The following PRH1 variants were observed in gnomAD, a reference collection of about 807,000 sequenced individuals.
PRH1 encodes proline rich protein HaeIII subfamily 1, also known as salivary acidic proline-rich phosphoprotein 1/2.
A neutral mutation model predicts 7.9 loss-of-function variants in PRH1; 7 were observed. The observed-to-expected ratio is 0.89, with a 90% CI of 0.50 to 1.67. PRH1 has a LOEUF of 1.67. PRH1 is among the 40% of genes most tolerant of loss of function. PRH1 has a pLI of 0.00. For synonymous variants in PRH1, 45 were observed against 80.8 expected, an observed-to-expected ratio of 0.56 and a Z score of 2.38; for missense variants, 109 against 223.6, an observed-to-expected ratio of 0.49 and a Z score of 3.27.
intron 1 of PRH1, among the ~76,000 whole-genome samples, chr12:11,087,556 G>C (rs1944748640): frequency 8.6e-6 from 1 of 116,730 alleles, no homozygotes; most frequent in Admixed American, 8.5e-5. Flanking sequence ...GTGAACTGTG[G>C]AGTAAGGGAC....
chr12:11,099,184 T>G (rs1945154401), intron 1 of PRH1, among the ~76,000 whole-genome samples: 2 of 152,182 alleles, frequency 1.3e-5, no homozygotes. Flanking sequence ...TAACTTACTT[T>G]GATAAACAGA....
chr12:11,061,506 G>C, intron 1 of PRH1: 1 of 1,614,102 alleles, frequency 6.2e-7, no homozygotes, highest in Non-Finnish European at 8.5e-7. Context: ...TAGCTTCGCA[G>C]AACATGAAGA....
chr12:10,972,600 T>C (rs559810738), intron 2 of PRH1, among the ~76,000 whole-genome samples: 9 of 152,318 alleles, frequency 5.9e-5, no homozygotes, highest in African/African-American at 1.9e-4. Flanking sequence ...CTTTCATTGT[T>C]TTGCAATTTT....
chr12:11,069,181 G>A (rs76001853), intron 1 of PRH1, among the ~76,000 whole-genome samples: 2 of 130,746 alleles, frequency 1.5e-5, no homozygotes, highest in African/African-American at 5.2e-5. Flanking sequence ...ACCTCCCAAG[G>A]TGCTCAATTA....
intron 2 of PRH1, among the ~76,000 whole-genome samples, chr12:10,972,257 C>A (rs2135953312): frequency 6.6e-6 from 1 of 152,166 alleles, no homozygotes; most frequent in African/African-American, 2.4e-5. Context: ...TAAAAAAAGG[C>A]AAGTCTAATA....
chr12:10,916,896 A>C (rs1379740908), intron 2 of PRH1, among the ~76,000 whole-genome samples: 1 of 146,970 alleles, frequency 6.8e-6, no homozygotes, highest in African/African-American at 2.5e-5. Flanking sequence ...AAATAAGATA[A>C]AATAAAATAA....
At chr12:11,121,697 T>C (rs1267804377) in intron 1 of PRH1, among the ~76,000 whole-genome samples, 1 of 152,130 alleles carries the variant, frequency 6.6e-6, no homozygotes. Context: ...GGTATACATA[T>C]ACAAAATTTA....
intron 1 of PRH1, among the ~76,000 whole-genome samples, chr12:11,130,201 C>T (rs1289769848): frequency 6.6e-6 from 1 of 152,138 alleles, no homozygotes; most frequent in Non-Finnish European, 1.5e-5. Context: ...CAGGAAATGG[C>T]AAGTTTCTTC....
chr12:10,946,803 CTTAG>C lies in PRH1; in HGVS notation c.-59+26848_-59+26851del, dbSNP rs368015227. On this transcript the variant is annotated intron_variant, in intron 2 of 3. Coordinates refer to the PRH1 transcript ENST00000539853. ...CTATGAATTTCCCTCTTACTACTGC[CTTAG>C]TTGTGTCTCAGAGATTCTGGTTTGT... Among the ~76,000 whole-genome samples the C allele has an allele frequency of 4.6e-3, 700 of 152,178 alleles. 6 individuals are homozygous for C. The highest frequency in any genetic ancestry group is 0.016 in the African/African-American group (674 of 41,516).
intron 2 of PRH1, chr12:10,891,609 T>C (rs1210192359): frequency 6.6e-6 from 1 of 152,134 alleles, no homozygotes; most frequent in East Asian, 1.9e-4. Context: ...CTGTGTTCCA[T>C]CCTCGTTGCC....
At chr12:11,161,667 G>A (rs2136455593) in intron 1 of PRH1, among the ~76,000 whole-genome samples, 1 of 152,254 alleles carries the variant, frequency 6.6e-6, no homozygotes, top group Middle Eastern at 3.4e-3. Context: ...TAAGGTTTCA[G>A]AGGGGTATAA....
At chr12:10,916,047 C>T (rs1224515847) in intron 2 of PRH1, among the ~76,000 whole-genome samples, 7 of 152,120 alleles carry the variant, frequency 4.6e-5, no homozygotes, top group African/African-American at 1.7e-4. Context: ...GTTTAATGAA[C>T]TCACAGTTCT....
intron 1 of PRH1, among the ~76,000 whole-genome samples, chr12:11,108,738 C>T (rs1945502897): frequency 2.6e-5 from 4 of 152,220 alleles, no homozygotes; most frequent in African/African-American, 7.2e-5. Context: ...TAAAACTGAG[C>T]GATCATTTGG....
chr12:11,050,441 G>A (rs893488788), upstream of PRH1, among the ~76,000 whole-genome samples: 2 of 152,154 alleles, frequency 1.3e-5, no homozygotes, highest in Non-Finnish European at 2.9e-5. Flanking sequence ...TGGGCCAGGT[G>A]TTCCTTGCTC....
intron 1 of PRH1, chr12:11,031,374 T>C: frequency 1.3e-6 from 2 of 1,598,564 alleles, no homozygotes; most frequent in Middle Eastern, 1.7e-4. Context: ...AATGCTGGTG[T>C]TGTGTCCGGA....
At chr12:10,957,272 C>A (rs1938014726) in intron 2 of PRH1, among the ~76,000 whole-genome samples, 1 of 152,008 alleles carries the variant, frequency 6.6e-6, no homozygotes, top group Non-Finnish European at 1.5e-5. Flanking sequence ...CCACCTACAA[C>A]CATCTAATCT....
chr12:10,969,353 A>C (rs11054101), intron 2 of PRH1, among the ~76,000 whole-genome samples: 36,948 of 151,938 alleles, frequency 0.24, 4,536 homozygotes, highest in Non-Finnish European at 0.25. Flanking sequence ...GGGGCAGGCC[A>C]AAAAAGGCAA....
At chr12:10,908,459 A>G (rs767444440) in intron 2 of PRH1, 1 of 1,613,936 alleles carries the variant, frequency 6.2e-7, no homozygotes, top group East Asian at 2.2e-5. Flanking sequence ...CTAGAATCAG[A>G]AGAAAGGAGT....
intron 2 of PRH1, among the ~76,000 whole-genome samples, chr12:10,918,913 T>C (rs1335855588): frequency 6.6e-6 from 1 of 152,110 alleles, no homozygotes; most frequent in Non-Finnish European, 1.5e-5. Context: ...ACTTTAAAGT[T>C]TTTAATCTAT....
Sources: gnomAD v4.1 joint callset for allele counts (sites outside exome capture counted in the v4.1 genomes callset) on GRCh38, gnomAD v4.1.1 for gene constraint, MANE v1.5 for transcripts, NCBI Gene and HGNC (gene_info 2026-07-23, HGNC 2026-07-21) for gene names.